The following PEBP4 variants were observed in gnomAD, a reference collection of about 807,000 sequenced individuals.
PEBP4 encodes the protein phosphatidylethanolamine-binding protein 4.
A neutral mutation model predicts 23.9 loss-of-function variants in PEBP4; 22 were observed. The observed-to-expected ratio is 0.92, with a 90% CI of 0.66 to 1.31. The LOEUF is 1.31. Ranked by LOEUF, PEBP4 falls within the 40% of genes most tolerant of loss-of-function variation. The probability of loss-of-function intolerance (pLI) is 0.00; values close to 1 mark genes in which losing one functional copy is unlikely to be tolerated. For synonymous variants in PEBP4, 112 were observed against 99.3 expected (o/e 1.13, Z -0.76); for missense variants, 324 against 281.7 (o/e 1.15, Z -1.07).
intron 4 of PEBP4, among the ~76,000 whole-genome samples, chr8:22,743,901 T>A (rs968355188): frequency 6.6e-6 from 1 of 152,168 alleles, no homozygotes; most frequent in Non-Finnish European, 1.5e-5. Context: ...CAGTAACACC[T>A]GTGTTTTGCT....
At chr8:22,846,251 A>C (rs1349644402) in intron 3 of PEBP4, among the ~76,000 whole-genome samples, 1 of 152,176 alleles carries the variant, frequency 6.6e-6, no homozygotes, top group African/African-American at 2.4e-5. Context: ...GAGAAGCAAC[A>C]GCCTGGGGAG....
chr8:22,851,143 A>G lies in PEBP4; in HGVS notation c.259-33408T>C, dbSNP rs1402190479. Among the ~76,000 whole-genome samples, 3 of 152,310 alleles carry G rather than the reference A, an allele frequency of 2.0e-5. No homozygotes were observed. The East Asian group carries it at 5.8e-4, about 29-fold the overall frequency. On this transcript the variant is annotated intron_variant, in intron 3 of 6. Transcript: ENST00000256404. The stretch of plus-strand genomic sequence containing the variant: ...CCAAATGGATCTTGCCCTGGGTGAC[A>G]GTCTCCACTCCTTTCCTCTCCTCCA...
chr8:22,728,773 T>C (rs1040404274), intron 4 of PEBP4, among the ~76,000 whole-genome samples: 1 of 152,156 alleles, frequency 6.6e-6, no homozygotes, highest in African/African-American at 2.4e-5. Flanking sequence ...AATTTTTGTA[T>C]TTTTAGCAGA....
At chr8:22,924,631 T>C in intron 2 of PEBP4, 2 of 983,868 alleles carry the variant, frequency 2.0e-6, no homozygotes, top group Non-Finnish European at 2.4e-6. Flanking sequence ...AACGGAGCTT[T>C]TCAACACCAA....
intron 4 of PEBP4, among the ~76,000 whole-genome samples, chr8:22,771,006 T>C (rs1805707991): frequency 6.6e-6 from 1 of 152,226 alleles, no homozygotes; most frequent in East Asian, 1.9e-4. Context: ...AAATCAGATA[T>C]GTGAAAGCAT....
intron 3 of PEBP4, among the ~76,000 whole-genome samples, chr8:22,846,560 T>C (rs1317648343): frequency 2.0e-5 from 3 of 152,130 alleles, no homozygotes; most frequent in African/African-American, 7.2e-5. Flanking sequence ...ATGCCCACAG[T>C]TCTCCTTCTC....
chr8:22,782,126 A>G (rs1220044846), intron 4 of PEBP4, among the ~76,000 whole-genome samples: 1 of 152,140 alleles, frequency 6.6e-6, no homozygotes, highest in Admixed American at 6.5e-5. Context: ...CTGAGACTTG[A>G]GACGGGAATG....
chr8:22,776,161 A>G lies in PEBP4; in HGVS notation c.357+41476T>C, dbSNP rs1221536312. Among the ~76,000 whole-genome samples, 7 of 152,324 alleles carry G rather than the reference A, an allele frequency of 4.6e-5. No homozygotes were observed. The East Asian group carries it at 1.2e-3, about 25-fold the overall frequency. On this transcript the variant is annotated intron_variant, in intron 4 of 6. Transcript: ENST00000256404. ...AGGGGCAGCGGTTTCTTTGAAGAAC[A>G]GAATCCTGAAATGCTGACGCCAGCG...
At chr8:22,725,569 G>A (rs1377593787) in intron 5 of PEBP4, among the ~76,000 whole-genome samples, 2 of 151,976 alleles carry the variant, frequency 1.3e-5, no homozygotes, top group African/African-American at 2.4e-5. Flanking sequence ...TTTTTGGGGC[G>A]GGGGAAGTGG....
chr8:22,877,583 G>T (rs989656610), intron 3 of PEBP4, among the ~76,000 whole-genome samples: 1 of 152,142 alleles, frequency 6.6e-6, no homozygotes, highest in Admixed American at 6.5e-5. Context: ...ACACGGGCGG[G>T]CTCACTGTTG....
At chr8:22,838,155 C>T (rs1331206772) in intron 3 of PEBP4, among the ~76,000 whole-genome samples, 10 of 152,192 alleles carry the variant, frequency 6.6e-5, no homozygotes, top group Non-Finnish European at 1.5e-5. Context: ...CTCACCTTGG[C>T]CTCCCAAAGT....
At chr8:22,786,614 G>C (rs1052724023) in intron 4 of PEBP4, among the ~76,000 whole-genome samples, 1 of 151,936 alleles carries the variant, frequency 6.6e-6, no homozygotes, top group Admixed American at 6.6e-5. Context: ...GTCTATTAGT[G>C]GCTTTAAAAA....
chr8:22,843,615 A>G (rs574605279), intron 3 of PEBP4, among the ~76,000 whole-genome samples: 28 of 152,342 alleles, frequency 1.8e-4, no homozygotes, highest in African/African-American at 6.0e-4. Context: ...AGGAAATTCC[A>G]ACATCATCTA....
chr8:22,844,054 C>T (rs868036246), intron 3 of PEBP4, among the ~76,000 whole-genome samples: 1 of 152,132 alleles, frequency 6.6e-6, no homozygotes, highest in African/African-American at 2.4e-5. Context: ...AACTGGAGTG[C>T]TCATATTGTC....
At chr8:22,897,677 T>TA (rs1236448921) in intron 3 of PEBP4, 2 of 152,180 alleles carry the variant, frequency 1.3e-5, no homozygotes, top group Non-Finnish European at 2.9e-5. Flanking sequence ...TCAAACTCAT[T>TA]AAAAAAATGC....
At chr8:22,894,518 G>C (rs541160711) in intron 3 of PEBP4, among the ~76,000 whole-genome samples, 26 of 152,262 alleles carry the variant, frequency 1.7e-4, no homozygotes, top group African/African-American at 5.3e-4. Context: ...GGAGGTCAAG[G>C]CTGCAGTGAA....
chr8:22,927,775 C>T, intron 1 of PEBP4, 48 bp downstream of exon 1: 5 of 1,603,440 alleles, frequency 3.1e-6, no homozygotes, highest in Non-Finnish European at 4.3e-6. Context: ...CCTTCCTGCC[C>T]ACTACCTGTG....
At chr8:22,794,192 C>A (rs1179008378) in intron 4 of PEBP4, among the ~76,000 whole-genome samples, 1 of 152,164 alleles carries the variant, frequency 6.6e-6, no homozygotes, top group East Asian at 1.9e-4. Flanking sequence ...TAAATAACAG[C>A]GAACATTTAT....
chr8:22,905,398 G>A (rs1808790223), intron 3 of PEBP4, among the ~76,000 whole-genome samples: 1 of 151,840 alleles, frequency 6.6e-6, no homozygotes, highest in Non-Finnish European at 1.5e-5. Flanking sequence ...GGTTTGTCGT[G>A]GGGCTTTTAT....
Sources: allele counts gnomAD v4.1 joint callset (sites outside exome capture counted in the v4.1 genomes callset), GRCh38; gene constraint gnomAD v4.1.1; transcripts MANE v1.5; gene names NCBI Gene and HGNC (gene_info 2026-07-23, HGNC 2026-07-21).